Variants in DYM observed in about 807,000 individuals in gnomAD.
The protein encoded by DYM is dyggve-Melchior-Clausen syndrome protein.
In DYM, 78 loss-of-function variants were observed where a neutral mutation model predicts 93.1. That is an observed-to-expected ratio of 0.84 (90% CI 0.70 to 1.01). The LOEUF is 1.01. Ranked by LOEUF, DYM falls within the 50% of genes least tolerant of loss-of-function variation. DYM has a pLI of 0.00. For missense variants in DYM, 789 were observed against 845.0 expected (o/e 0.93, Z 0.82); for synonymous variants, 321 against 319.7 (o/e 1.00, Z -0.04).
intron 8 of DYM, among the ~76,000 whole-genome samples, chr18:49,328,023 A>G (rs2063026447): frequency 2.0e-5 from 3 of 152,260 alleles, no homozygotes; most frequent in Admixed American, 6.5e-5. Flanking sequence ...TAACGAGCCA[A>G]CATCATCTAT....
At chr18:49,178,864 T>C (rs2089645915) in intron 14 of DYM, among the ~76,000 whole-genome samples, 1 of 152,008 alleles carries the variant, frequency 6.6e-6, no homozygotes, top group African/African-American at 2.4e-5. Context: ...TGATAGGAAA[T>C]AATCTATTTT....
intron 3 of DYM, among the ~76,000 whole-genome samples, chr18:49,391,167 T>C (rs899141442): frequency 1.3e-5 from 2 of 152,242 alleles, no homozygotes; most frequent in Non-Finnish European, 2.9e-5. Context: ...GTAGCACAGC[T>C]GAAATTAAAA....
intron 16 of DYM, among the ~76,000 whole-genome samples, chr18:49,107,180 T>C (rs1234272155): frequency 6.6e-6 from 1 of 152,246 alleles, no homozygotes; most frequent in African/African-American, 2.4e-5. Flanking sequence ...TGATACTCTT[T>C]CTTCCAGTTG....
At chr18:49,171,276 T>C (rs1205537355) in intron 14 of DYM, among the ~76,000 whole-genome samples, 3 of 152,102 alleles carry the variant, frequency 2.0e-5, no homozygotes, top group Non-Finnish European at 4.4e-5. Context: ...GGAGGGGGTG[T>C]GGAGGTTCTG....
intron 17 of DYM, among the ~76,000 whole-genome samples, chr18:49,092,945 T>C (rs987162461): frequency 6.6e-6 from 1 of 152,192 alleles, no homozygotes; most frequent in African/African-American, 2.4e-5. Flanking sequence ...TTTAATGTTC[T>C]GCACTAATGC....
At chr18:49,085,927 C>A (rs1487474627) in intron 17 of DYM, among the ~76,000 whole-genome samples, 2 of 152,000 alleles carry the variant, frequency 1.3e-5, no homozygotes, top group Admixed American at 1.3e-4. Flanking sequence ...TTTTTAAGCA[C>A]CACAGTTATC....
At chr18:49,449,381 T>G (rs748444771) in intron 1 of DYM, among the ~76,000 whole-genome samples, 3 of 152,118 alleles carry the variant, frequency 2.0e-5, no homozygotes, top group Non-Finnish European at 4.4e-5. Flanking sequence ...GGCAAAGAAA[T>G]AAGAGAAACA....
At chr18:49,234,834 CAT>C (rs1170579827) in intron 13 of DYM, among the ~76,000 whole-genome samples, 1 of 152,138 alleles carries the variant, frequency 6.6e-6, no homozygotes, top group Non-Finnish European at 1.5e-5. Flanking sequence ...GAGTCAGAGA[CAT>C]GTGGCAGAAG....
intron 16 of DYM, among the ~76,000 whole-genome samples, chr18:49,111,359 C>A (rs2081374820): frequency 6.6e-6 from 1 of 152,172 alleles, no homozygotes; most frequent in Admixed American, 6.5e-5. Context: ...CCTGACAGTT[C>A]CAACATCTGA....
At chr18:49,436,159 C>G (rs1435994802) in intron 1 of DYM, among the ~76,000 whole-genome samples, 9 of 152,098 alleles carry the variant, frequency 5.9e-5, no homozygotes, top group Non-Finnish European at 8.8e-5. Flanking sequence ...ATTACAGATA[C>G]ATGCCATCAC....
intron 15 of DYM, among the ~76,000 whole-genome samples, chr18:49,159,674 G>A (rs1487643185): frequency 6.6e-6 from 1 of 152,180 alleles, no homozygotes; most frequent in Admixed American, 6.5e-5. Context: ...TTGAGGCCAG[G>A]AGTTCAAGAG....
intron 17 of DYM, among the ~76,000 whole-genome samples, chr18:49,081,265 G>A (rs1221161925): frequency 1.3e-5 from 2 of 151,008 alleles, no homozygotes; most frequent in African/African-American, 4.9e-5. Context: ...ACCTCGGGAG[G>A]CCGAGGCTGG....
rs147840447 is a variant in DYM, at chr18:49,143,902, G to T, written c.1728+19783C>A. On this transcript the variant is annotated intron_variant, in intron 15 of 17. Coordinates refer to ENST00000675505, the MANE Select transcript of DYM (RefSeq NM_001353214.3). Reference sequence around the variant, plus strand: ...TTCTCCAGGGTTATTCTGAAGCAAAGTCCAAACAAATCTTTCAACCATAAA... The same window carrying T: ...TTCTCCAGGGTTATTCTGAAGCAAATTCCAAACAAATCTTTCAACCATAAA... 2.0e-4 allele frequency among the ~76,000 whole-genome samples: 30 copies of T among 152,176 alleles called. No individual in the cohort carries two copies. The South Asian group carries it at 4.4e-3, about 22-fold the overall frequency.
chr18:49,236,920 G>A (rs1301280734), intron 13 of DYM, among the ~76,000 whole-genome samples: 1 of 152,198 alleles, frequency 6.6e-6, no homozygotes, highest in East Asian at 1.9e-4. Context: ...TAGACTTTCA[G>A]TCTTTTTCCT....
chr18:49,259,380 C>T (rs2145203875), intron 11 of DYM, among the ~76,000 whole-genome samples: 1 of 152,288 alleles, frequency 6.6e-6, no homozygotes, highest in South Asian at 2.1e-4. Flanking sequence ...ATACAGAGGA[C>T]AGAACACGTT....
At position 49,039,666 on chromosome 18, in the gene DYM, G is replaced by A. The variant is rs945801425; in HGVS notation, c.*4389C>T. Among the ~76,000 whole-genome samples the A allele has an allele frequency of 2.0e-5, 3 of 150,704 alleles. No homozygotes were observed. Among genetic ancestry groups the A allele is most frequent in the Non-Finnish European group, 2.9e-5 (2 of 67,912 alleles). ...TTTCATCTTACTCATTCTCTTTTCA[G>A]TTATTTCTAATCTGCTCTTAAACCT... On this transcript the variant is annotated 3_prime_UTR_variant, in exon 18 of 18. Transcript: ENST00000675505.
intron 17 of DYM, among the ~76,000 whole-genome samples, chr18:49,070,101 A>AGGCT (rs1484468741): frequency 5.9e-5 from 9 of 152,198 alleles, no homozygotes; most frequent in African/African-American, 2.2e-4. Context: ...TGTGAGCAAG[A>AGGCT]GGCTCCCTGA....
At chr18:49,399,260 G>T (rs77547841) in intron 2 of DYM, among the ~76,000 whole-genome samples, 1 of 152,312 alleles carries the variant, frequency 6.6e-6, no homozygotes, top group Non-Finnish European at 1.5e-5. Flanking sequence ...CCTGGAGGAA[G>T]TAACTATTCT....
intron 15 of DYM, among the ~76,000 whole-genome samples, chr18:49,149,034 TAGAC>T (rs2085497088): frequency 6.6e-6 from 1 of 152,202 alleles, no homozygotes; most frequent in Non-Finnish European, 1.5e-5. Flanking sequence ...ATTCTGCAAC[TAGAC>T]AGACCTATCT....
Sources: gnomAD v4.1 joint callset for allele counts (sites outside exome capture counted in the v4.1 genomes callset) on GRCh38, gnomAD v4.1.1 for gene constraint, MANE v1.5 for transcripts, NCBI Gene and HGNC (gene_info 2026-07-23, HGNC 2026-07-21) for gene names.